The following LZTFL1 variants were observed in gnomAD, a reference collection of about 807,000 sequenced individuals.
LZTFL1 encodes leucine zipper transcription factor like 1.
In LZTFL1, 25 loss-of-function variants were observed where a neutral mutation model predicts 45.9. That is an observed-to-expected ratio of 0.54 (90% CI 0.40 to 0.76). LZTFL1 has a LOEUF of 0.76. Ranked by LOEUF, LZTFL1 falls within the 30% of genes least tolerant of loss-of-function variation. LZTFL1 has a pLI of 0.00. For synonymous variants in LZTFL1, 93 were observed against 117.4 expected, an observed-to-expected ratio of 0.79 and a Z score of 1.35; for missense variants, 277 against 331.1, an observed-to-expected ratio of 0.84 and a Z score of 1.27.
In LZTFL1 at chr3:45,907,650, C is replaced by T. The variant is rs1031029879; in HGVS notation, c.-215+5470G>A. On this transcript the variant is annotated intron_variant, in intron 2 of 4. Coordinates refer to the LZTFL1 transcript ENST00000472635. ...TCGCTGCGTGGGCATGGCAAGATGA[C>T]GTGGCAAAGTCCCAGAGTGACAGTT... 1.5e-4 allele frequency among the ~76,000 whole-genome samples: 23 copies of T among 152,322 alleles called. No individual in the cohort carries two copies. The East Asian group carries it at 2.7e-3, about 18-fold the overall frequency.
intron 1 of LZTFL1, among the ~76,000 whole-genome samples, chr3:45,913,635 G>A (rs1204490987): frequency 6.6e-6 from 1 of 152,152 alleles, no homozygotes; most frequent in African/African-American, 2.4e-5. Flanking sequence ...GGTCTAGCTA[G>A]TACTAGTGTG....
chr3:45,869,950 T>C (rs181610892), intron 2 of LZTFL1, among the ~76,000 whole-genome samples: 1 of 152,394 alleles, frequency 6.6e-6, no homozygotes, highest in African/African-American at 2.4e-5. Flanking sequence ...ACAAAAGTAC[T>C]CGAGTTCCCA....
rs1216976368 is a variant in LZTFL1 at position 45,827,452 on chromosome 3, T to C, written c.785A>G (p.Glu262Gly). 6.2e-7 allele frequency: 1 copy of C among 1,605,962 alleles called. No individual in the cohort carries two copies. Among genetic ancestry groups the C allele is most frequent in the Non-Finnish European group, 8.5e-7 (1 of 1,172,776 alleles). ...AGCTGCTGTTTGCTGAAATTTCTTT[T>C]CTAATTCCTGCTTAGTAAAAAATGT... ...EQLHMAEKEL[E>G]KKFQQTAAYR... Residue 262 changes from glutamate (E) to glycine (G), a missense_variant, in exon 9 of 10, where the codon GAA becomes GGA. Coordinates refer to ENST00000296135, the MANE Select transcript of LZTFL1 (RefSeq NM_020347.4).
intron 2 of LZTFL1, among the ~76,000 whole-genome samples, chr3:45,889,180 T>C (rs1487131356): frequency 1.3e-5 from 2 of 152,156 alleles, no homozygotes; most frequent in African/African-American, 4.8e-5. Flanking sequence ...AGATGGGGTC[T>C]TGCTCTGTTG....
At chr3:45,832,289 T>C (rs1345941178) in intron 5 of LZTFL1, among the ~76,000 whole-genome samples, 1 of 152,148 alleles carries the variant, frequency 6.6e-6, no homozygotes, top group Non-Finnish European at 1.5e-5. Context: ...AGGGAGCAGG[T>C]ATTACACTGC....
intron 1 of LZTFL1, chr3:45,913,267 T>C: frequency 2.0e-6 from 2 of 1,007,036 alleles, no homozygotes; most frequent in South Asian, 1.5e-5. Context: ...CTTTCTCTTG[T>C]TTTTCATGAG....
Position 45,901,728 on chromosome 3 carries a change from C to G in LZTFL1, c.-215+11392G>C. 6.2e-7 allele frequency: 1 copy of G among 1,614,204 alleles called. No homozygotes were observed. Among genetic ancestry groups the G allele is most frequent in the South Asian group, 1.1e-5 (1 of 91,078 alleles). On this transcript the variant is annotated intron_variant, in intron 2 of 4. Transcript: ENST00000472635. The surrounding 1 kb of genome is among the most constrained non-coding windows in gnomAD (Gnocchi z 4.3). ...CGCCTTCTTCCACAGTTGCCTGAAC[C>G]CTGTTCTCTATGTTTTTGTGGGTGA...
intron 2 of LZTFL1, among the ~76,000 whole-genome samples, chr3:45,859,193 T>A (rs553609190): frequency 6.6e-6 from 1 of 152,230 alleles, no homozygotes; most frequent in South Asian, 2.1e-4. Context: ...ATAATTTTCA[T>A]GTAATAATGA....
intron 2 of LZTFL1, among the ~76,000 whole-genome samples, chr3:45,905,841 T>C (rs954491617): frequency 6.6e-6 from 1 of 152,188 alleles, no homozygotes; most frequent in Non-Finnish European, 1.5e-5. Flanking sequence ...ACATGGTCAG[T>C]GAGAGGGGTG....
chr3:45,914,568 C>T (rs4683148), intron 1 of LZTFL1, among the ~76,000 whole-genome samples: 52,706 of 152,046 alleles, frequency 0.35, 10,748 homozygotes, highest in East Asian at 0.65. Context: ...GCCACCACAC[C>T]TGGCTGGATC....
intron 2 of LZTFL1, among the ~76,000 whole-genome samples, chr3:45,861,954 A>G (rs1419909557): frequency 6.6e-6 from 1 of 152,220 alleles, no homozygotes; most frequent in African/African-American, 2.4e-5. Flanking sequence ...AGTTTTTGTC[A>G]AAGTATTTTA....
At chr3:45,884,000 TG>T in intron 2 of LZTFL1, 1 of 283,516 alleles carries the variant, frequency 3.5e-6, no homozygotes. Flanking sequence ...TGGGGTAGGT[TG>T]GGTCCTGAAG....
At chr3:45,891,203 C>A (rs1371733331) in intron 2 of LZTFL1, among the ~76,000 whole-genome samples, 1 of 152,200 alleles carries the variant, frequency 6.6e-6, no homozygotes, top group Non-Finnish European at 1.5e-5. Context: ...AAGGTCACGG[C>A]CGGAGGCTGG....
intron 1 of LZTFL1, among the ~76,000 whole-genome samples, chr3:45,839,915 T>C (rs977029657): frequency 6.6e-6 from 1 of 152,348 alleles, no homozygotes; most frequent in East Asian, 1.9e-4. Flanking sequence ...TCTATAGGTA[T>C]GCCTTCCTCC....
chr3:45,913,046 G>A, intron 2 of LZTFL1: 1 of 1,384,870 alleles, frequency 7.2e-7, no homozygotes, highest in Non-Finnish European at 9.8e-7. Flanking sequence ...GAATGGTTTA[G>A]AGAAAACCAC....
At chr3:45,843,062 G>A (rs1218209623), upstream of LZTFL1, among the ~76,000 whole-genome samples, 3 of 152,228 alleles carry the variant, frequency 2.0e-5, no homozygotes, top group South Asian at 2.1e-4. Context: ...TCCAATGCAC[G>A]GAATGATGGC....
chr3:45,868,952 C>T (rs890262943), intron 2 of LZTFL1, among the ~76,000 whole-genome samples: 1 of 152,198 alleles, frequency 6.6e-6, no homozygotes, highest in Non-Finnish European at 1.5e-5. Context: ...TCTCAGGCCC[C>T]ACCCCAGACC....
intron 2 of LZTFL1, among the ~76,000 whole-genome samples, chr3:45,865,854 C>G (rs1336949267): frequency 6.6e-6 from 1 of 152,150 alleles, no homozygotes; most frequent in African/African-American, 2.4e-5. Context: ...TTTATAACAG[C>G]GTTGTCTGTA....
intron 2 of LZTFL1, among the ~76,000 whole-genome samples, chr3:45,896,363 G>A (rs563262531): frequency 1.6e-4 from 24 of 152,318 alleles, no homozygotes; most frequent in African/African-American, 5.1e-4. Flanking sequence ...GGAGTCTGGC[G>A]CCATCTAAAT....
Sources: gnomAD v4.1 joint callset for allele counts (sites outside exome capture counted in the v4.1 genomes callset) on GRCh38, gnomAD v4.1.1 for gene constraint, Gnocchi (gnomAD v3.1) non-coding constraint, MANE v1.5 for transcripts, NCBI Gene and HGNC (gene_info 2026-07-23, HGNC 2026-07-21) for gene names.